Variants in AKAP13 observed in about 807,000 individuals in gnomAD.
AKAP13 encodes the protein A-kinase anchoring protein 13.
AKAP13 carries 80 observed loss-of-function variants against 264.5 expected under a neutral mutation model. The observed-to-expected ratio is 0.30, with a 90% CI of 0.25 to 0.36. The LOEUF is 0.36. AKAP13 is among the 10% of genes least tolerant of loss of function. The probability of loss-of-function intolerance (pLI) is 1.00; values close to 1 mark genes in which losing one functional copy is unlikely to be tolerated. For missense variants in AKAP13, 3,712 were observed against 3,435.2 expected (o/e 1.08, Z -2.01); for synonymous variants, 1,380 against 1,250.2 (o/e 1.10, Z -2.19).
rs1283015675 is a variant in AKAP13, at chr15:85,581,852, C to T, written c.3784C>T (p.Gln1262Ter). The T allele has an allele frequency of 6.2e-7, 1 of 1,614,198 alleles. No homozygotes were observed. The change falls in exon 7 of 37, where the codon CAA becomes TAA. Residue 1262 changes from glutamine (Q) to a stop codon, truncating the protein, a stop_gained. Transcript: ENST00000394518. LOFTEE classifies it high-confidence loss of function. ...CCGTATAGTGGATGCTGTCATCGAA[C>T]AAGTCAAGGCCGCTGGAGCACTGCT... ...ASRIVDAVIE[Q>*]VKAAGALLTE...
chr15:85,698,943 CAAAAAAAAAAAAAAA>C (rs10715702), intron 17 of AKAP13, among the ~76,000 whole-genome samples: 4 of 72,846 alleles, frequency 5.5e-5, no homozygotes, highest in South Asian at 5.1e-4. Context: ...GACCTTGTCT[CAAAAAAAAAAAAAAA>C]AAAAAAAAAA....
At chr15:85,578,363 T>A (rs116147203) in intron 6 of AKAP13, among the ~76,000 whole-genome samples, 2,685 of 152,310 alleles carry the variant, frequency 0.018, 85 homozygotes, top group African/African-American at 0.062. Context: ...TTTATTTTTT[T>A]TAAGACGGAG....
In AKAP13 at chr15:85,400,843, C is replaced by CAT. The variant is rs36153433; in HGVS notation, c.-12+20058_-12+20059dup. Among the ~76,000 whole-genome samples, 545 of 142,146 alleles carry CAT rather than the reference C, an allele frequency of 3.8e-3. 1 individual carries two copies. Among genetic ancestry groups the CAT allele is most frequent in the Non-Finnish European group, 4.6e-3 (304 of 66,316 alleles). The allele number at this position is 142,146 out of a possible 152,430, so 93.3% of individuals were successfully genotyped here. A position where few individuals can be genotyped will look rare whatever the true frequency, so the allele number is the denominator to read the frequency against. On this transcript the variant is annotated intron_variant, in intron 1 of 36. Coordinates refer to ENST00000394518, the MANE Select transcript of AKAP13 (RefSeq NM_007200.5). ...AGCTGATTAATCATAATTTAGTAGC[C>CAT]ATATATATATATATGTATATATATA... is the stretch of plus-strand genomic sequence containing the variant.
intron 3 of AKAP13, among the ~76,000 whole-genome samples, chr15:85,532,388 G>A (rs1020023442): frequency 5.3e-5 from 8 of 152,222 alleles, no homozygotes; most frequent in African/African-American, 1.7e-4. Context: ...AAATTCAGTC[G>A]CAGGGACCAT....
In AKAP13 at chr15:85,442,511, A is replaced by ATT. The variant is rs1567059698; in HGVS notation, c.-11-43199_-11-43198insTT. Reference sequence around the variant, plus strand: ...ATATAATATATATTATATTATATATAATATATATTATATTATATATAATAT... The same window carrying ATT: ...ATATAATATATATTATATTATATATATTATATATATTATATTATATATAATAT... On this transcript the variant is annotated intron_variant, in intron 1 of 36. Coordinates refer to ENST00000394518, the MANE Select transcript of AKAP13 (RefSeq NM_007200.5). Among the ~76,000 whole-genome samples the ATT allele has an allele frequency of 3.8e-4, 43 of 112,098 alleles. No homozygotes were observed. The South Asian group carries it at 0.011, about 28-fold the overall frequency. The allele number at this position is 112,098 out of a possible 152,430, so 73.5% of individuals were successfully genotyped here.
At chr15:85,442,933 T>C (rs2150961165) in intron 1 of AKAP13, among the ~76,000 whole-genome samples, 1 of 152,278 alleles carries the variant, frequency 6.6e-6, no homozygotes, top group South Asian at 2.1e-4. Flanking sequence ...AAAATTACAT[T>C]AAAATAGCAT....
rs144441510 is a variant in AKAP13 at position 85,722,329 on chromosome 15, A to C, written c.6478A>C (p.Ile2160Leu). ...ITKYPVLFQR[I>L]LQCTKDNEVE... ...CAAGTACCCAGTTTTATTCCAAAGA[A>C]TATTGCAGTGTACCAAAGGTAAGTC... The change falls in exon 25 of 37, where the codon ATA becomes CTA. Residue 2160 changes from isoleucine to leucine, a missense_variant. Ile to Leu is a conservative substitution (Grantham distance 5). Transcript: ENST00000394518. The C allele has an allele frequency of 1.9e-5, 31 of 1,612,504 alleles. No individual in the cohort carries two copies. In the African/African-American group the frequency reaches 4.0e-4, roughly 21 times the overall value.
At chr15:85,412,340 G>A (rs189009782) in intron 1 of AKAP13, among the ~76,000 whole-genome samples, 1 of 152,256 alleles carries the variant, frequency 6.6e-6, no homozygotes. Context: ...TCTATTTGAG[G>A]CAAAATTTTA....
chr15:85,554,189 G>A (rs1038522592), intron 5 of AKAP13, among the ~76,000 whole-genome samples: 4 of 152,040 alleles, frequency 2.6e-5, no homozygotes, highest in African/African-American at 9.7e-5. Context: ...AGCTGAACTT[G>A]GTGTGTCCCT....
chr15:85,499,758 T>G (rs1161879937), intron 2 of AKAP13, among the ~76,000 whole-genome samples: 2 of 152,086 alleles, frequency 1.3e-5, no homozygotes, highest in Non-Finnish European at 2.9e-5. Flanking sequence ...TTCATCCTCC[T>G]GTGGATCCAT....
At chr15:85,613,713 T>TATATATATATA (rs1254657975) in intron 8 of AKAP13, among the ~76,000 whole-genome samples, 8 of 110,838 alleles carry the variant, frequency 7.2e-5, no homozygotes, top group Non-Finnish European at 1.4e-4. Flanking sequence ...TATATATATA[T>TATATATATATA]TAGGAGTGCT....
At chr15:85,555,500 C>A in intron 5 of AKAP13, 1 of 1,263,996 alleles carries the variant, frequency 7.9e-7, no homozygotes, top group Middle Eastern at 2.2e-4. Context: ...GTGTGAGTAT[C>A]AGCTTCCAGA....
intron 14 of AKAP13, among the ~76,000 whole-genome samples, chr15:85,676,195 G>A (rs1200611761): frequency 6.6e-6 from 1 of 152,222 alleles, no homozygotes; most frequent in African/African-American, 2.4e-5. Flanking sequence ...ACAGGCGTGA[G>A]CCACCACGCC....
rs145051867 is a variant in AKAP13, at chr15:85,684,244, G to C, written c.5157-497G>C. On this transcript the variant is annotated intron_variant, in intron 15 of 36. Transcript: ENST00000394518. ...ATAATTGACAGGCTCTTTTTAACAT[G>C]AGGTCACTGAAAATCCATAATTAAA... Among the ~76,000 whole-genome samples, 171 of 152,248 alleles carry C rather than the reference G, an allele frequency of 1.1e-3. 1 individual carries two copies. The highest frequency in any genetic ancestry group is 3.8e-3 in the African/African-American group (157 of 41,528).
chr15:85,476,786 G>T (rs1567077144), intron 1 of AKAP13, among the ~76,000 whole-genome samples: 1 of 152,152 alleles, frequency 6.6e-6, no homozygotes, highest in African/African-American at 2.4e-5. Flanking sequence ...TCTTAATGAG[G>T]ACTCTGCAAT....
chr15:85,705,700 A>G (rs2151682234), intron 17 of AKAP13, among the ~76,000 whole-genome samples: 1 of 152,308 alleles, frequency 6.6e-6, no homozygotes, highest in East Asian at 1.9e-4. Context: ...ATGATTCAGA[A>G]TGAACACATA....
At chr15:85,677,039 C>G (rs1567189679) in intron 14 of AKAP13, 1 of 985,430 alleles carries the variant, frequency 1.0e-6, no homozygotes, top group East Asian at 1.1e-4. Flanking sequence ...CTCCTTAAGT[C>G]TAAAACTCTC....
intron 1 of AKAP13, among the ~76,000 whole-genome samples, chr15:85,421,994 A>G (rs1162627982): frequency 6.6e-6 from 1 of 152,228 alleles, no homozygotes; most frequent in Non-Finnish European, 1.5e-5. Flanking sequence ...GTGCTTCAGT[A>G]TATGTCAGCA....
chr15:85,416,846 A>G (rs925538417), intron 1 of AKAP13, among the ~76,000 whole-genome samples: 1 of 152,158 alleles, frequency 6.6e-6, no homozygotes, highest in Non-Finnish European at 1.5e-5. Flanking sequence ...AAAGGTAGCA[A>G]ATTTTGGAGG....
Sources: gnomAD v4.1 joint callset for allele counts (sites outside exome capture counted in the v4.1 genomes callset) on GRCh38, gnomAD v4.1.1 for gene constraint, MANE v1.5 for transcripts, NCBI Gene and HGNC (gene_info 2026-07-23, HGNC 2026-07-21) for gene names.